HELZ: variants seen among roughly 807,000 people sequenced by gnomAD.
HELZ encodes the protein ATP-dependent RNA helicase with zinc finger domain.
In HELZ, 23 loss-of-function variants were observed where a neutral mutation model predicts 218.2. The ratio of observed to expected loss-of-function variants is 0.11; its 90% CI spans 0.08 to 0.15. The LOEUF (loss-of-function observed/expected upper bound fraction) is 0.15. HELZ is among the 10% of genes least tolerant of loss of function. The pLI is 1.00. For missense variants in HELZ, 1,813 were observed against 2,353.7 expected, an observed-to-expected ratio of 0.77 and a Z score of 4.75; for synonymous variants, 814 against 829.4, an observed-to-expected ratio of 0.98 and a Z score of 0.32.
intron 22 of HELZ, 85 bp from the exon 23 acceptor site, chr17:67,136,283 T>A (rs2038147261): frequency 1.1e-6 from 1 of 902,014 alleles, no homozygotes; most frequent in East Asian, 2.5e-5. Context: ...TTTTAAAATG[T>A]TATTGCTAAA....
intron 23 of HELZ, among the ~76,000 whole-genome samples, chr17:67,130,778 T>C (rs1014319638): frequency 1.3e-5 from 2 of 152,248 alleles, no homozygotes; most frequent in Non-Finnish European, 2.9e-5. Flanking sequence ...TTTAGTCTAA[T>C]TGATAAAGTA....
At chr17:67,187,094 G>A (rs143934105) in intron 12 of HELZ, among the ~76,000 whole-genome samples, 9 of 152,198 alleles carry the variant, frequency 5.9e-5, no homozygotes, top group East Asian at 5.8e-4. Context: ...AATATTAACC[G>A]TCTGGCCCTC....
In HELZ at chr17:67,188,651, G is replaced by A. The variant is rs779438747; in HGVS notation, c.865-35C>T. ...AGTTAAAATAATTCATTGAGTACAA[G>A]GGGGTGAAAAATCCAATTGTAATTG... On this transcript the variant is annotated intron_variant, in intron 11 of 32. Transcript: ENST00000358691. The surrounding 1 kb of genome is among the most constrained non-coding windows in gnomAD (Gnocchi z 4.1). 1 of 1,549,540 alleles carries A rather than the reference G, an allele frequency of 6.5e-7. No individual in the cohort carries two copies. The highest frequency in any genetic ancestry group is 8.8e-7 in the Non-Finnish European group (1 of 1,138,414).
intron 20 of HELZ, among the ~76,000 whole-genome samples, chr17:67,148,059 A>G (rs974823734): frequency 1.3e-5 from 2 of 152,228 alleles, no homozygotes; most frequent in African/African-American, 2.4e-5. Context: ...AAGTGAACCC[A>G]AAGACCCAAA....
At chr17:67,109,961 A>G (rs974942852) in intron 28 of HELZ, among the ~76,000 whole-genome samples, 11 of 152,208 alleles carry the variant, frequency 7.2e-5, no homozygotes, top group African/African-American at 2.7e-4. Context: ...CTTTCAGGGC[A>G]TTATTTTTAA....
At chr17:67,147,669 AG>A (rs34670020) in intron 20 of HELZ, among the ~76,000 whole-genome samples, 23 of 148,424 alleles carry the variant, frequency 1.5e-4, no homozygotes, top group African/African-American at 5.0e-4. Context: ...TTTGGTAGGA[AG>A]GGGGGGTCTT....
intron 13 of HELZ, among the ~76,000 whole-genome samples, chr17:67,174,458 G>A (rs1040126943): frequency 6.6e-6 from 1 of 152,064 alleles, no homozygotes; most frequent in Non-Finnish European, 1.5e-5. Flanking sequence ...CCATCAAAAT[G>A]TAAGAAACTA....
intron 3 of HELZ, among the ~76,000 whole-genome samples, chr17:67,233,228 C>G (rs2041084974): frequency 2.0e-5 from 3 of 152,226 alleles, no homozygotes; most frequent in African/African-American, 7.2e-5. Flanking sequence ...TGGCATGCCC[C>G]TGTGATCCCA....
rs753402558 is a variant in HELZ, at chr17:67,128,834, A to G, written c.3204T>C (p.Ile1068=). The change falls in exon 24 of 33, where the codon ATT becomes ATC. Residue 1068 remains isoleucine, a synonymous_variant. Transcript: ENST00000358691. ...GRCRKFWERF[I]ALCHENSSLH... ...GGCTACTGTTTTCATGACACAGGGC[A>G]ATAAACCGTTCCCAAAATTTCCTAC... The G allele has an allele frequency of 6.2e-7, 1 of 1,614,016 alleles. No individual in the cohort carries two copies. Among genetic ancestry groups the G allele is most frequent in the Admixed American group, 1.7e-5 (1 of 59,998 alleles).
intron 5 of HELZ, among the ~76,000 whole-genome samples, chr17:67,209,522 C>G (rs1038230784): frequency 6.6e-6 from 1 of 152,130 alleles, no homozygotes; most frequent in Non-Finnish European, 1.5e-5. Flanking sequence ...CGCTTGAACC[C>G]AGAAGGCAGA....
intron 21 of HELZ, among the ~76,000 whole-genome samples, chr17:67,145,364 T>G (rs537988399): frequency 6.6e-6 from 1 of 152,226 alleles, no homozygotes; most frequent in Non-Finnish European, 1.5e-5. Context: ...CTTTGGAGCA[T>G]AGAATTCTGC....
intron 15 of HELZ, among the ~76,000 whole-genome samples, chr17:67,165,862 T>C (rs1262162006): frequency 6.6e-6 from 1 of 152,204 alleles, no homozygotes; most frequent in Non-Finnish European, 1.5e-5. Context: ...AATTAGGACA[T>C]GTGTAGTAGC....
chr17:67,225,879 G>C (rs538929244), intron 3 of HELZ, among the ~76,000 whole-genome samples: 1 of 152,122 alleles, frequency 6.6e-6, no homozygotes, highest in East Asian at 1.9e-4. Flanking sequence ...CCATGAAAAA[G>C]ACACTGTTAA....
chr17:67,098,125 C>T (rs901207243), intron 31 of HELZ, among the ~76,000 whole-genome samples: 3 of 152,132 alleles, frequency 2.0e-5, no homozygotes, highest in African/African-American at 7.2e-5. Context: ...CATAATTTTG[C>T]TTTTCCCCCA....
At chr17:67,100,339 A>G (rs950352326) in intron 31 of HELZ, among the ~76,000 whole-genome samples, 1 of 152,200 alleles carries the variant, frequency 6.6e-6, no homozygotes, top group Admixed American at 6.5e-5. Flanking sequence ...TCACTGAAAC[A>G]TGTATGTCAT....
intron 13 of HELZ, among the ~76,000 whole-genome samples, chr17:67,169,751 T>A (rs777468865): frequency 6.6e-6 from 1 of 152,088 alleles, no homozygotes; most frequent in African/African-American, 2.4e-5. Context: ...AAGTCCAGAG[T>A]GTGAACTAAA....
At chr17:67,098,611 G>GT (rs1037396178) in intron 31 of HELZ, among the ~76,000 whole-genome samples, 3 of 151,896 alleles carry the variant, frequency 2.0e-5, no homozygotes, top group Non-Finnish European at 4.4e-5. Flanking sequence ...GGGCATGGTG[G>GT]TGGGTGCCTG....
rs10692832 is a variant in HELZ, at chr17:67,212,314, C to CA, written c.247+3584dup. ...TGGGCGACAGGGAGAGACACCATCT[C>CA]AAAAAAAAAAAAAAAAAAAAAGGCT... is the stretch of plus-strand genomic sequence containing the variant. On this transcript the variant is annotated intron_variant, in intron 5 of 32. Transcript: ENST00000358691. Among the ~76,000 whole-genome samples, 48 of 21,404 alleles carry CA rather than the reference C, an allele frequency of 2.2e-3. 8 individuals are homozygous for CA. Among genetic ancestry groups the CA allele is most frequent in the Admixed American group, 4.9e-3 (4 of 822 alleles). The allele number at this position is 21,404 out of a possible 152,430, so 14.0% of individuals were successfully genotyped here.
Position 67,218,650 on chromosome 17 carries a change from A to G in HELZ, c.155T>C (p.Ile52Thr), listed in dbSNP as rs750972435. The part of the protein sequence containing the change: ...ADFTGPCPLE[I>T]ERIKIESLLY... Reference sequence around the variant, plus strand: ...AAGACTCTCGATTTTGATGCGTTCTATTTCCAATGGACAAGGCCCTGTGAA... The same window carrying G: ...AAGACTCTCGATTTTGATGCGTTCTGTTTCCAATGGACAAGGCCCTGTGAA... The change falls in exon 4 of 33, where the codon ATA (isoleucine) becomes ACA (threonine). Residue 52 changes from isoleucine (I) to threonine (T), a missense_variant. Physicochemically the swap from Ile to Thr is moderately conservative, Grantham distance 89. Coordinates refer to ENST00000358691, the MANE Select transcript of HELZ (RefSeq NM_014877.4). 2 of 1,614,196 alleles carry G rather than the reference A, an allele frequency of 1.2e-6. No homozygotes were observed. The highest frequency in any genetic ancestry group is 1.7e-6 in the Non-Finnish European group (2 of 1,180,044).
Sources: allele counts gnomAD v4.1 joint callset (sites outside exome capture counted in the v4.1 genomes callset), GRCh38; gene constraint gnomAD v4.1.1; non-coding constraint Gnocchi (gnomAD v3.1); transcripts MANE v1.5; gene names NCBI Gene and HGNC (gene_info 2026-07-23, HGNC 2026-07-21).